The following RTTN variants were observed in gnomAD, a reference collection of about 807,000 sequenced individuals.
RTTN encodes rotatin.
RTTN carries 182 observed loss-of-function variants against 269.2 expected under a neutral mutation model. That is an observed-to-expected ratio of 0.68 (90% CI 0.60 to 0.76). The LOEUF is 0.76. Among genes scored for constraint, RTTN ranks in the 30% least tolerant of loss-of-function variants. The pLI is 0.00. For synonymous variants in RTTN, 1,006 were observed against 963.5 expected (o/e 1.04, Z -0.82); for missense variants, 2,545 against 2,608.6 (o/e 0.98, Z 0.53).
chr18:70,191,786 A>C (rs1446508508), intron 8 of RTTN, among the ~76,000 whole-genome samples: 2 of 152,176 alleles, frequency 1.3e-5, no homozygotes, highest in Non-Finnish European at 2.9e-5. Context: ...TCGTTTCTTC[A>C]ATTTCAAGAT....
intron 32 of RTTN, among the ~76,000 whole-genome samples, chr18:70,076,926 T>C (rs1334741912): frequency 6.6e-6 from 1 of 151,888 alleles, no homozygotes; most frequent in Admixed American, 6.6e-5. Context: ...AATCTTAACA[T>C]TCACAGCTTC....
At chr18:70,075,589 A>C in intron 32 of RTTN, 48 bp from the exon 33 acceptor site, 1 of 1,427,636 alleles carries the variant, frequency 7.0e-7, no homozygotes, top group Non-Finnish European at 9.3e-7. Flanking sequence ...TTATCCAACA[A>C]TTTCCTTAAA....
intron 47 of RTTN, 67 bp from the exon 48 acceptor site, chr18:70,005,334 T>G: frequency 9.5e-7 from 1 of 1,057,898 alleles, no homozygotes; most frequent in Non-Finnish European, 1.5e-6. Context: ...ACACTAATTC[T>G]GCCCATTGCT....
At chr18:70,058,873 T>C (rs1372717650) in intron 36 of RTTN, among the ~76,000 whole-genome samples, 1 of 152,340 alleles carries the variant, frequency 6.6e-6, no homozygotes, top group East Asian at 1.9e-4. Flanking sequence ...AAGGAATAAT[T>C]ACAATTGAAT....
At chr18:70,092,654 T>C (rs200755115) in intron 29 of RTTN, 22 bp downstream of exon 29, 199 of 1,605,442 alleles carry the variant, frequency 1.2e-4, no homozygotes, top group Non-Finnish European at 1.6e-4. Context: ...GTTCAGAAGA[T>C]AGACAGCTTT....
chr18:70,059,427 C>T (rs187736012), intron 36 of RTTN, among the ~76,000 whole-genome samples: 1 of 152,014 alleles, frequency 6.6e-6, no homozygotes, highest in East Asian at 1.9e-4. Flanking sequence ...TTTAATTTCC[C>T]TTAACAAAAT....
chr18:70,009,435 C>T (rs1229692108), intron 46 of RTTN, among the ~76,000 whole-genome samples: 6 of 151,772 alleles, frequency 4.0e-5, no homozygotes, highest in Non-Finnish European at 8.8e-5. Context: ...TGCGTATGGC[C>T]CAAGAAAATA....
At chr18:70,178,139 A>T (rs560847772) in intron 10 of RTTN, among the ~76,000 whole-genome samples, 1 of 152,230 alleles carries the variant, frequency 6.6e-6, no homozygotes, top group African/African-American at 2.4e-5. Context: ...TCCCAGCAGG[A>T]TTGAACTTGA....
At chr18:70,205,534 C>T in intron 1 of RTTN, 94 bp downstream of exon 1, 3 of 1,537,442 alleles carry the variant, frequency 2.0e-6, no homozygotes, top group South Asian at 2.2e-5. Flanking sequence ...GGAGCGGTCG[C>T]GGAGCGGCCG....
intron 4 of RTTN, among the ~76,000 whole-genome samples, chr18:70,201,374 G>T (rs961338980): frequency 6.6e-6 from 1 of 151,744 alleles, no homozygotes; most frequent in Non-Finnish European, 1.5e-5. Context: ...AGGCCGAGGC[G>T]GGCGGATCAC....
chr18:70,041,130 C>T (rs559443481), intron 40 of RTTN, among the ~76,000 whole-genome samples: 16 of 152,036 alleles, frequency 1.1e-4, no homozygotes, highest in African/African-American at 3.9e-4. Flanking sequence ...ATCACTTGAA[C>T]TTGGGAGGCA....
chr18:70,004,206 T>C lies in RTTN; in HGVS notation c.6626A>G (p.Asn2209Ser). Residue 2209 changes from asparagine (N) to serine (S), a missense_variant, in exon 49 of 49, where the codon AAT (asparagine) becomes AGT (serine). By Grantham distance (46) the Asn-to-Ser change is conservative (BLOSUM62 1). Coordinates refer to ENST00000640769, the MANE Select transcript of RTTN (RefSeq NM_173630.4). ...TFPNSEANPLNAYYLKCLENL... is the reference protein window; with the variant it reads ...TFPNSEANPLSAYYLKCLENL... ...TTCAAGACATTTCAAATAATAGGCA[T>C]TTAGAGGGTTTGCTTCTGAGTTTGG... 1.9e-6 allele frequency: 3 copies of C among 1,613,650 alleles called. No individual in the cohort carries two copies. Among genetic ancestry groups the C allele is most frequent in the Non-Finnish European group, 2.5e-6 (3 of 1,179,642 alleles).
In RTTN at chr18:70,017,580, A is replaced by C. The variant is rs773677920; in HGVS notation, c.6248T>G (p.Leu2083Arg). The C allele has an allele frequency of 6.2e-7, 1 of 1,614,040 alleles. No homozygotes were observed. Among genetic ancestry groups the C allele is most frequent in the Non-Finnish European group, 8.5e-7 (1 of 1,179,900 alleles). Residue 2083 changes from leucine to arginine, a missense_variant, in exon 46 of 49, where the codon CTG (leucine) becomes CGG (arginine). Coordinates refer to ENST00000640769, the MANE Select transcript of RTTN (RefSeq NM_173630.4). ...CCCATCTTCTCCAGATGATATATTC[A>C]GGAGTAACTTCAACCAAAGAATAGT... Reference protein sequence around the residue: ...NLTILWLKLLLNISSGEDGQQ... With the variant: ...NLTILWLKLLRNISSGEDGQQ...
At chr18:70,131,206 A>G (rs1414685498) in intron 23 of RTTN, 1 of 151,688 alleles carries the variant, frequency 6.6e-6, no homozygotes, top group African/African-American at 2.4e-5. Context: ...ATTAAATAAT[A>G]AAAAACTCTT....
At chr18:70,108,289 A>G (rs2059375361) in intron 28 of RTTN, among the ~76,000 whole-genome samples, 1 of 146,590 alleles carries the variant, frequency 6.8e-6, no homozygotes, top group African/African-American at 2.4e-5. Flanking sequence ...AAAAAAAAAA[A>G]GTCATTTCAT....
intron 27 of RTTN, among the ~76,000 whole-genome samples, chr18:70,110,809 G>A (rs2059445048): frequency 6.6e-6 from 1 of 152,206 alleles, no homozygotes; most frequent in Non-Finnish European, 1.5e-5. Flanking sequence ...AAGATTCACT[G>A]GCTTGAAATT....
chr18:70,186,359 G>GA (rs2061547065), intron 10 of RTTN, among the ~76,000 whole-genome samples: 1 of 152,162 alleles, frequency 6.6e-6, no homozygotes, highest in South Asian at 2.1e-4. Context: ...ATGCTGATGA[G>GA]AAAAAATAAC....
chr18:70,080,742 A>G (rs2058542517), intron 32 of RTTN, among the ~76,000 whole-genome samples: 2 of 152,194 alleles, frequency 1.3e-5, no homozygotes, highest in Non-Finnish European at 2.9e-5. Flanking sequence ...TAAAGAACTA[A>G]AAGTAGAACT....
Position 70,066,314 on chromosome 18 carries a change from G to A in RTTN, c.4654-392C>T, listed in dbSNP as rs2058132493. ...AAAGATATTTTTAATGTTCCAAATGGCACATATAAATTTTAATAGTGCCTA... is the reference window on the plus strand; with the variant it reads ...AAAGATATTTTTAATGTTCCAAATGACACATATAAATTTTAATAGTGCCTA... On this transcript the variant is annotated intron_variant, in intron 34 of 48. Transcript: ENST00000640769. Among the ~76,000 whole-genome samples the A allele has an allele frequency of 2.0e-5, 3 of 152,030 alleles. No homozygotes were observed. In the South Asian group the frequency reaches 6.2e-4, roughly 32 times the overall value.
Sources: gnomAD v4.1 joint callset for allele counts (sites outside exome capture counted in the v4.1 genomes callset) on GRCh38, gnomAD v4.1.1 for gene constraint, MANE v1.5 for transcripts, NCBI Gene and HGNC (gene_info 2026-07-23, HGNC 2026-07-21) for gene names.